SEC11C: variants seen among roughly 807,000 people sequenced by gnomAD.
SEC11C encodes SEC11 homolog C, signal peptidase complex subunit.
SEC11C carries 10 observed loss-of-function variants against 21.9 expected under a neutral mutation model. The observed-to-expected ratio is 0.46, with a 90% CI of 0.28 to 0.77. The LOEUF is 0.77. Among genes scored for constraint, SEC11C ranks in the 30% least tolerant of loss-of-function variants. The probability of loss-of-function intolerance (pLI) is 0.12; values close to 1 mark genes in which losing one functional copy is unlikely to be tolerated. For synonymous variants in SEC11C, 83 were observed against 85.6 expected (o/e 0.97, Z 0.17); for missense variants, 145 against 244.5 (o/e 0.59, Z 2.71).
At chr18:59,142,663 T>G (rs2069225572) in intron 1 of SEC11C, among the ~76,000 whole-genome samples, 3 of 152,240 alleles carry the variant, frequency 2.0e-5, no homozygotes, top group African/African-American at 7.2e-5. Flanking sequence ...GACATGAATG[T>G]TTTATCTCTT....
At chr18:59,149,215 G>A (rs186957251) in intron 1 of SEC11C, among the ~76,000 whole-genome samples, 196 of 152,316 alleles carry the variant, frequency 1.3e-3, no homozygotes, top group Non-Finnish European at 1.5e-3. Flanking sequence ...GAACTCTCTA[G>A]GGTATAAGGT....
intron 5 of SEC11C, 35 bp downstream of exon 5, chr18:59,157,700 C>T (rs372409409): frequency 5.7e-5 from 80 of 1,413,538 alleles, no homozygotes; most frequent in Non-Finnish European, 7.2e-5. Flanking sequence ...TTATTTACTT[C>T]GTTAAATATT....
intron 1 of SEC11C, among the ~76,000 whole-genome samples, chr18:59,144,159 C>G (rs566112451): frequency 2.0e-5 from 3 of 152,266 alleles, no homozygotes; most frequent in Admixed American, 1.3e-4. Context: ...CCTGGCCCCA[C>G]TTTCTACTCA....
At chr18:59,158,503 C>T (rs1029582547) in intron 5 of SEC11C, 129 bp from the exon 6 acceptor site, 8 of 729,886 alleles carry the variant, frequency 1.1e-5, no homozygotes, top group Non-Finnish European at 1.9e-5. Context: ...GAGAACAAGC[C>T]ATGGGGGGAA....
intron 1 of SEC11C, among the ~76,000 whole-genome samples, chr18:59,145,270 T>C (rs2069258982): frequency 6.6e-6 from 1 of 152,266 alleles, no homozygotes; most frequent in African/African-American, 2.4e-5. Flanking sequence ...TGTCTATGGC[T>C]GCTTTCCCGC....
At position 59,144,726 on chromosome 18, in the gene SEC11C, TAAAAA is replaced by T. The variant is rs5825314; in HGVS notation, c.87+4710_87+4714del. Among the ~76,000 whole-genome samples the T allele has an allele frequency of 7.1e-5, 7 of 98,602 alleles. No homozygotes were observed. In the East Asian group the frequency reaches 8.1e-4, roughly 11 times the overall value. The allele number at this position is 98,602 out of a possible 152,430, so 64.7% of individuals were successfully genotyped here. On this transcript the variant is annotated intron_variant, in intron 1 of 5. Transcript: ENST00000587834. ...GGCCACAGACTGAAACCTTGTATCTTAAAAAAAAAAAAAAAAAAAAAAAGTTGCTA... is the reference window on the plus strand; with the variant it reads ...GGCCACAGACTGAAACCTTGTATCTTAAAAAAAAAAAAAAAAAAGTTGCTA...
intron 1 of SEC11C, among the ~76,000 whole-genome samples, chr18:59,143,747 T>C (rs1323043617): frequency 1.3e-5 from 2 of 152,238 alleles, no homozygotes; most frequent in African/African-American, 4.8e-5. Context: ...TTTGGTCATG[T>C]CATTAAAGTT....
intron 1 of SEC11C, among the ~76,000 whole-genome samples, chr18:59,148,315 C>T (rs1422374084): frequency 6.6e-6 from 1 of 152,208 alleles, no homozygotes; most frequent in African/African-American, 2.4e-5. Flanking sequence ...CAGCGTTAGT[C>T]CCTCTTGCGC....
chr18:59,151,409 T>C (rs1253749686), intron 2 of SEC11C, among the ~76,000 whole-genome samples: 1 of 152,084 alleles, frequency 6.6e-6, no homozygotes, highest in Admixed American at 6.6e-5. Context: ...AAAACTCAAT[T>C]GTTTTGACTG....
intron 1 of SEC11C, chr18:59,147,577 T>C (rs1304899749): frequency 6.6e-5 from 10 of 152,336 alleles, no homozygotes; most frequent in Admixed American, 5.9e-4. Flanking sequence ...AGCCAGGATG[T>C]GAGCGGCACT....
chr18:59,155,329 C>T (rs2144043582), intron 3 of SEC11C, among the ~76,000 whole-genome samples: 1 of 152,300 alleles, frequency 6.6e-6, no homozygotes, highest in Non-Finnish European at 1.5e-5. Flanking sequence ...CACTTGTTTA[C>T]AGGTTAAAAA....
intron 1 of SEC11C, among the ~76,000 whole-genome samples, chr18:59,144,573 A>G (rs1408207338): frequency 6.6e-6 from 1 of 152,160 alleles, no homozygotes; most frequent in East Asian, 1.9e-4. Context: ...AAAAAAATTT[A>G]GAACTACCCA....
At chr18:59,140,108 C>T (rs2069192090) in intron 1 of SEC11C, 73 bp downstream of exon 1, 2 of 1,319,204 alleles carry the variant, frequency 1.5e-6, no homozygotes, top group Admixed American at 5.3e-5. Flanking sequence ...GCTTCCCAGT[C>T]AGGGCTCCGG....
At chr18:59,148,665 G>A (rs1399387477) in intron 1 of SEC11C, among the ~76,000 whole-genome samples, 1 of 150,778 alleles carries the variant, frequency 6.6e-6, no homozygotes, top group Admixed American at 6.6e-5. Flanking sequence ...CCAGGCTGGA[G>A]TGCAGTCGTG....
chr18:59,154,964 C>T lies in SEC11C; in HGVS notation c.348-724C>T, dbSNP rs570734264. Among the ~76,000 whole-genome samples, 9 of 152,172 alleles carry T rather than the reference C, an allele frequency of 5.9e-5. No homozygotes were observed. The East Asian group carries it at 7.7e-4, about 13-fold the overall frequency. On this transcript the variant is annotated intron_variant, in intron 3 of 5. Transcript: ENST00000587834. ...ACCTGTAATCCCAGCTACTCAGAGA[C>T]GGAGGCAGGATAATCGCTTGAACCT...
intron 1 of SEC11C, among the ~76,000 whole-genome samples, chr18:59,144,448 A>G (rs1158508988): frequency 1.3e-5 from 2 of 152,222 alleles, no homozygotes; most frequent in African/African-American, 4.8e-5. Flanking sequence ...TTTCTTAGGC[A>G]AAGGCTAGGT....
intron 3 of SEC11C, among the ~76,000 whole-genome samples, chr18:59,154,527 A>G (rs1269370663): frequency 6.6e-6 from 1 of 152,180 alleles, no homozygotes; most frequent in East Asian, 1.9e-4. Context: ...TGAGTCCCAC[A>G]TGTCTCTTTA....
At chr18:59,150,962 CTT>C (rs35585459) in intron 2 of SEC11C, among the ~76,000 whole-genome samples, 2 of 145,530 alleles carry the variant, frequency 1.4e-5, no homozygotes, top group East Asian at 2.0e-4. Context: ...CACTTAGGGA[CTT>C]TTTTTTTTTT....
intron 2 of SEC11C, 45 bp downstream of exon 2, chr18:59,149,667 G>C (rs2069323748): frequency 7.8e-7 from 1 of 1,280,698 alleles, no homozygotes; most frequent in Admixed American, 1.7e-5. Flanking sequence ...TCCATCACAA[G>C]GCTGCCTTGG....
Sources: allele counts gnomAD v4.1 joint callset (sites outside exome capture counted in the v4.1 genomes callset), GRCh38; gene constraint gnomAD v4.1.1; transcripts MANE v1.5; gene names NCBI Gene and HGNC (gene_info 2026-07-23, HGNC 2026-07-21).